ACYP2: variants seen among roughly 807,000 people sequenced by gnomAD.
The protein encoded by ACYP2 is acylphosphatase-2.
Under a neutral mutation model 11.2 loss-of-function variants are expected in ACYP2, and 12 were observed. That is an observed-to-expected ratio of 1.08 (90% CI 0.69 to 1.74). The LOEUF (loss-of-function observed/expected upper bound fraction) is 1.74. Among genes scored for constraint, ACYP2 ranks in the 40% most tolerant of loss-of-function variants. The pLI is 0.00. For synonymous variants in ACYP2, 43 were observed against 32.2 expected (o/e 1.33, Z -1.13); for missense variants, 134 against 101.9 (o/e 1.31, Z -1.35).
At chr2:54,181,994 C>T (rs147755761) in intron 6 of ACYP2, among the ~76,000 whole-genome samples, 388 of 150,586 alleles carry the variant, frequency 2.6e-3, no homozygotes, top group African/African-American at 8.9e-3. Context: ...TCAGTACAAA[C>T]GTCTACCATT....
intron 2 of ACYP2, among the ~76,000 whole-genome samples, chr2:54,045,634 G>T (rs1446909898): frequency 6.6e-6 from 1 of 150,708 alleles, no homozygotes; most frequent in Non-Finnish European, 1.5e-5. Flanking sequence ...GGCTAAGACG[G>T]TGAAACCCTG....
At chr2:54,240,450 C>A (rs1243283516) in intron 6 of ACYP2, among the ~76,000 whole-genome samples, 1 of 152,112 alleles carries the variant, frequency 6.6e-6, no homozygotes, top group Non-Finnish European at 1.5e-5. Context: ...GCCTGGAGAA[C>A]TCATTCTTCT....
intron 6 of ACYP2, among the ~76,000 whole-genome samples, chr2:54,280,166 T>G (rs1333580329): frequency 2.0e-5 from 3 of 152,264 alleles, no homozygotes; most frequent in African/African-American, 7.2e-5. Context: ...AATCTTGACC[T>G]GCATCCCTGG....
At chr2:54,296,148 A>T (rs698756) in intron 6 of ACYP2, among the ~76,000 whole-genome samples, 3 of 151,990 alleles carry the variant, frequency 2.0e-5, no homozygotes, top group African/African-American at 7.3e-5. Context: ...AGCAATTACA[A>T]AATGTGATCG....
At chr2:54,192,999 G>C (rs1684299091) in intron 6 of ACYP2, among the ~76,000 whole-genome samples, 1 of 152,196 alleles carries the variant, frequency 6.6e-6, no homozygotes, top group African/African-American at 2.4e-5. Flanking sequence ...TTTGGGTAGA[G>C]ACACAGAGCC....
chr2:54,076,833 C>G (rs1239146409), intron 4 of ACYP2, among the ~76,000 whole-genome samples: 2 of 152,114 alleles, frequency 1.3e-5, no homozygotes, highest in African/African-American at 2.4e-5. Context: ...AAAAAGATAA[C>G]ACTTAGCAGC....
intron 4 of ACYP2, among the ~76,000 whole-genome samples, chr2:54,099,579 A>G (rs1476311822): frequency 6.6e-6 from 1 of 152,206 alleles, no homozygotes; most frequent in Non-Finnish European, 1.5e-5. Flanking sequence ...CGATGTCCTC[A>G]GATTCATCCA....
chr2:54,302,253 ACTGCTC>A (rs1433608836), intron 6 of ACYP2, among the ~76,000 whole-genome samples: 2 of 152,012 alleles, frequency 1.3e-5, no homozygotes, highest in African/African-American at 2.4e-5. Flanking sequence ...TGCCACCACA[ACTGCTC>A]CTGCTCCTGC....
At chr2:53,987,027 T>C (rs1573451880) in intron 2 of ACYP2, among the ~76,000 whole-genome samples, 1 of 152,272 alleles carries the variant, frequency 6.6e-6, no homozygotes, top group East Asian at 1.9e-4. Context: ...AATGCACAAA[T>C]ACATGCAACA....
At chr2:54,233,707 A>G (rs1430823050) in intron 6 of ACYP2, among the ~76,000 whole-genome samples, 1 of 152,158 alleles carries the variant, frequency 6.6e-6, no homozygotes, top group African/African-American at 2.4e-5. Flanking sequence ...GATTAGTTGC[A>G]TTACTAATTG....
intron 6 of ACYP2, among the ~76,000 whole-genome samples, chr2:54,241,549 T>G (rs552320782): frequency 2.6e-5 from 4 of 151,990 alleles, no homozygotes; most frequent in Non-Finnish European, 4.4e-5. Context: ...GCAGAAAGTT[T>G]TGCAGTTTTT....
intron 6 of ACYP2, among the ~76,000 whole-genome samples, chr2:54,210,837 C>T (rs1000799576): frequency 6.6e-6 from 1 of 152,162 alleles, no homozygotes; most frequent in East Asian, 1.9e-4. Flanking sequence ...GTAAAGTTAG[C>T]CTGATTGACA....
At chr2:54,188,059 G>A (rs930761331) in intron 6 of ACYP2, among the ~76,000 whole-genome samples, 3 of 152,130 alleles carry the variant, frequency 2.0e-5, no homozygotes, top group African/African-American at 4.8e-5. Context: ...CTTGGACTTC[G>A]CAGCCTCCAG....
At chr2:54,101,317 T>G (rs1226645074) in intron 4 of ACYP2, among the ~76,000 whole-genome samples, 2 of 152,164 alleles carry the variant, frequency 1.3e-5, no homozygotes, top group Non-Finnish European at 2.9e-5. Context: ...TGACAGTTGT[T>G]TTGTTTATAT....
At chr2:54,176,812 C>CTGAAT (rs1683483600) in intron 6 of ACYP2, among the ~76,000 whole-genome samples, 1 of 152,120 alleles carries the variant, frequency 6.6e-6, no homozygotes, top group South Asian at 2.1e-4. Context: ...GAGAGGGTAC[C>CTGAAT]AAAGTCTAGT....
intron 2 of ACYP2, among the ~76,000 whole-genome samples, chr2:53,988,899 A>G (rs1672150978): frequency 6.6e-6 from 1 of 151,896 alleles, no homozygotes; most frequent in Non-Finnish European, 1.5e-5. Flanking sequence ...GGTGCGCGCT[A>G]CCATGCCCAC....
At chr2:54,212,341 A>G (rs567767390) in intron 6 of ACYP2, among the ~76,000 whole-genome samples, 11 of 152,336 alleles carry the variant, frequency 7.2e-5, no homozygotes, top group African/African-American at 2.2e-4. Context: ...CATAGATTAC[A>G]TATCAAATTG....
At chr2:54,196,920 G>A (rs1684506000) in intron 6 of ACYP2, among the ~76,000 whole-genome samples, 1 of 152,180 alleles carries the variant, frequency 6.6e-6, no homozygotes, top group Non-Finnish European at 1.5e-5. Context: ...AAGTAGTACT[G>A]GTGGAATTTT....
At chr2:54,302,516 A>G (rs949979319) in intron 6 of ACYP2, among the ~76,000 whole-genome samples, 4 of 152,116 alleles carry the variant, frequency 2.6e-5, no homozygotes, top group African/African-American at 7.2e-5. Flanking sequence ...CATTGGACCT[A>G]TCTTTTCTAT....
Sources: allele counts gnomAD v4.1 joint callset (sites outside exome capture counted in the v4.1 genomes callset), GRCh38; gene constraint gnomAD v4.1.1; transcripts MANE v1.5; gene names NCBI Gene and HGNC (gene_info 2026-07-23, HGNC 2026-07-21).